BCL7B: variants seen among roughly 807,000 people sequenced by gnomAD.
BCL7B encodes the protein BAF chromatin remodeling complex subunit BCL7B.
BCL7B carries 11 observed loss-of-function variants against 26.5 expected under a neutral mutation model. The ratio of observed to expected loss-of-function variants is 0.42; its 90% CI spans 0.26 to 0.69. The LOEUF (loss-of-function observed/expected upper bound fraction) is 0.69. Ranked by LOEUF, BCL7B falls within the 30% of genes least tolerant of loss-of-function variation. The pLI is 0.28. For missense variants in BCL7B, 215 were observed against 264.4 expected, an observed-to-expected ratio of 0.81 and a Z score of 1.30; for synonymous variants, 111 against 107.9, an observed-to-expected ratio of 1.03 and a Z score of -0.18.
At chr7:73,540,224 A>G in intron 3 of BCL7B, 172 bp from the exon 4 acceptor site, 1 of 667,842 alleles carries the variant, frequency 1.5e-6, no homozygotes, top group South Asian at 2.0e-5. Flanking sequence ...AGAGGCAGCC[A>G]GAATCTTTAT....
intron 1 of BCL7B, among the ~76,000 whole-genome samples, chr7:73,556,771 G>C (rs1792376121): frequency 6.6e-6 from 1 of 152,208 alleles, no homozygotes; most frequent in African/African-American, 2.4e-5. Flanking sequence ...ACTTTAAAAA[G>C]ACCACTCTGC....
intron 2 of BCL7B, among the ~76,000 whole-genome samples, chr7:73,548,737 C>A (rs1471661720): frequency 6.6e-6 from 1 of 152,034 alleles, no homozygotes; most frequent in African/African-American, 2.4e-5. Context: ...TGAAGACCAG[C>A]CTGACCAACA....
At chr7:73,538,471 C>T (rs1438939709) in intron 4 of BCL7B, among the ~76,000 whole-genome samples, 2 of 152,052 alleles carry the variant, frequency 1.3e-5, no homozygotes, top group African/African-American at 4.8e-5. Context: ...GGTCACAGCA[C>T]AGGAGAAGGT....
intron 1 of BCL7B, among the ~76,000 whole-genome samples, chr7:73,554,866 A>G (rs1175267824): frequency 6.6e-6 from 1 of 152,072 alleles, no homozygotes; most frequent in Non-Finnish European, 1.5e-5. Flanking sequence ...GAAGGAGCGA[A>G]TTAAAGTCTT....
At chr7:73,539,702 G>A in intron 4 of BCL7B, 180 bp downstream of exon 4, 2 of 702,328 alleles carry the variant, frequency 2.8e-6, no homozygotes, top group Non-Finnish European at 4.5e-6. Flanking sequence ...TCTAATGCTT[G>A]TTTTCTCCCT....
chr7:73,547,160 A>AAAGCAAGC (rs1207957065), intron 2 of BCL7B, among the ~76,000 whole-genome samples: 1 of 152,068 alleles, frequency 6.6e-6, no homozygotes, highest in Non-Finnish European at 1.5e-5. Flanking sequence ...CTCAAAAAAA[A>AAAGCAAGC]AAGCAAGCAA....
At chr7:73,543,370 G>A (rs782285920) in intron 3 of BCL7B, among the ~76,000 whole-genome samples, 178 bp downstream of exon 3, 1 of 151,938 alleles carries the variant, frequency 6.6e-6, no homozygotes. Flanking sequence ...TAGAGACTGG[G>A]TTTCACCATA....
chr7:73,555,704 G>A (rs1227457575), intron 1 of BCL7B, among the ~76,000 whole-genome samples: 4 of 152,140 alleles, frequency 2.6e-5, no homozygotes, highest in African/African-American at 9.7e-5. Context: ...AAGCAAGAAG[G>A]GAACCACTGA....
At position 73,538,247 on chromosome 7, in the gene BCL7B, G is replaced by C. The variant is rs909607288; in HGVS notation, c.437-234C>G. ...TGCTGGGCTGGAGATATCTGGAACC[G>C]ACAAAGCAGCTCATCTTGTCATCCT... On this transcript the variant is annotated intron_variant, in intron 4 of 5. Transcript: ENST00000223368. 3 of 365,562 alleles carry C rather than the reference G, an allele frequency of 8.2e-6. No homozygotes were observed. The East Asian group carries it at 1.2e-4, about 15-fold the overall frequency. 22.6% of individuals were successfully genotyped at this position (365,562 alleles called of 1,614,324 possible).
chr7:73,554,774 G>A (rs1436398460), intron 1 of BCL7B, among the ~76,000 whole-genome samples: 4 of 150,598 alleles, frequency 2.7e-5, no homozygotes, highest in African/African-American at 7.4e-5. Flanking sequence ...CTCCAGCCTG[G>A]GTGACAGGCA....
chr7:73,543,710 T>C (rs529675360), intron 2 of BCL7B, 66 bp from the exon 3 acceptor site: 1 of 1,333,710 alleles, frequency 7.5e-7, no homozygotes, highest in African/African-American at 1.5e-5. Flanking sequence ...GGGAGGAGGG[T>C]GCTATGTGAC....
intron 1 of BCL7B, among the ~76,000 whole-genome samples, chr7:73,552,492 A>T (rs1792211331): frequency 6.6e-6 from 1 of 151,974 alleles, no homozygotes; most frequent in Non-Finnish European, 1.5e-5. Flanking sequence ...TAAAAAAAAA[A>T]TACAGGCCAG....
At chr7:73,545,727 G>GAGTCC (rs1791928477) in intron 2 of BCL7B, among the ~76,000 whole-genome samples, 1 of 152,172 alleles carries the variant, frequency 6.6e-6, no homozygotes, top group South Asian at 2.1e-4. Flanking sequence ...GATAAAGGCA[G>GAGTCC]AGTCCATACA....
At chr7:73,539,604 G>A (rs1791674986) in intron 4 of BCL7B, 1 of 383,830 alleles carries the variant, frequency 2.6e-6, no homozygotes, top group African/African-American at 2.0e-5. Flanking sequence ...TGTAAAAGAA[G>A]ACAATAGCTG....
Position 73,557,566 on chromosome 7 carries a change from A to T in BCL7B, c.13T>A (p.Ser5Thr), listed in dbSNP as rs782775812. 1 of 1,356,666 alleles carries T rather than the reference A, an allele frequency of 7.4e-7. No individual in the cohort carries two copies. Among genetic ancestry groups the T allele is most frequent in the Non-Finnish European group, 9.6e-7 (1 of 1,041,424 alleles). The allele number at this position is 1,356,666 out of a possible 1,614,324, so 84.0% of individuals were successfully genotyped here. The change falls in exon 1 of 6, where the codon TCG becomes ACG. Residue 5 changes from serine to threonine, a missense_variant. Ser to Thr is a moderately conservative substitution (Grantham distance 58, BLOSUM62 1). Transcript: ENST00000223368. MSGR[S>T]VRAETRSRAK... ...CGGCTGCGGGTCTCCGCCCGGACCG[A>T]CCGGCCCGACATGGCGGCGGCGGGA...
intron 3 of BCL7B, chr7:73,540,328 T>C: frequency 2.7e-6 from 1 of 376,886 alleles, no homozygotes; most frequent in African/African-American, 2.0e-5. Context: ...GGGAGGGATG[T>C]AGCTGTGTCT....
At chr7:73,550,948 C>T (rs137934744) in intron 2 of BCL7B, among the ~76,000 whole-genome samples, 1,908 of 152,282 alleles carry the variant, frequency 0.013, 43 homozygotes, top group African/African-American at 0.044. Flanking sequence ...TGAGCCACCA[C>T]GCCCGGCCCA....
chr7:73,551,221 C>T (rs1242213461), intron 2 of BCL7B, among the ~76,000 whole-genome samples: 1 of 152,220 alleles, frequency 6.6e-6, no homozygotes, highest in Non-Finnish European at 1.5e-5. Context: ...ATGGCAACCA[C>T]TCAATCTGCC....
rs569583642 is a variant in BCL7B at position 73,555,388 on chromosome 7, C to A, written c.92+2099G>T. ...TTGCACTCCAACGTGGGTGACAGAG[C>A]AAGACTCTGTCTCAAAAAAAAAGAA... On this transcript the variant is annotated intron_variant, in intron 1 of 5. Coordinates refer to ENST00000223368, the MANE Select transcript of BCL7B (RefSeq NM_001707.4). Among the ~76,000 whole-genome samples, 3 of 106,160 alleles carry A rather than the reference C, an allele frequency of 2.8e-5. No homozygotes were observed. The South Asian group carries it at 8.0e-4, about 28-fold the overall frequency. 69.6% of individuals were successfully genotyped at this position (106,160 alleles called of 152,430 possible). A position where few individuals can be genotyped will look rare whatever the true frequency, so the allele number is the denominator to read the frequency against.
Sources: allele counts gnomAD v4.1 joint callset (sites outside exome capture counted in the v4.1 genomes callset), GRCh38; gene constraint gnomAD v4.1.1; transcripts MANE v1.5; gene names NCBI Gene and HGNC (gene_info 2026-07-23, HGNC 2026-07-21).